The following NYAP2 variants were observed in gnomAD, a reference collection of about 807,000 sequenced individuals.
NYAP2 encodes neuronal tyrosine-phosphorylated phosphoinositide-3-kinase adaptor 2.
A neutral mutation model predicts 50.4 loss-of-function variants in NYAP2; 23 were observed. That is an observed-to-expected ratio of 0.46 (90% CI 0.33 to 0.65). The LOEUF is 0.65. Among genes scored for constraint, NYAP2 ranks in the 30% least tolerant of loss-of-function variants. The pLI, the probability that NYAP2 is intolerant of heterozygous loss-of-function variation, is 0.02. For synonymous variants in NYAP2, 394 were observed against 365.2 expected, an observed-to-expected ratio of 1.08 and a Z score of -0.90; for missense variants, 885 against 861.0, an observed-to-expected ratio of 1.03 and a Z score of -0.35.
rs564426970 is a variant in NYAP2, at chr2:225,647,873, A to G, written c.1829-3559A>G. Among the ~76,000 whole-genome samples the G allele has an allele frequency of 1.2e-4, 18 of 152,238 alleles. No individual in the cohort carries two copies. In the South Asian group the frequency reaches 3.7e-3, roughly 32 times the overall value. Reference sequence around the variant, plus strand: ...AAAATGGTGAGATATGGTTTGATTAAAGTCCATGCTTGGCAACAACTTGAG... The same window carrying G: ...AAAATGGTGAGATATGGTTTGATTAGAGTCCATGCTTGGCAACAACTTGAG... On this transcript the variant is annotated intron_variant, in intron 6 of 6. Transcript: ENST00000636099.
At chr2:225,693,830 G>C in the NYAP2 span, among the ~76,000 whole-genome samples, 3 of 151,958 alleles carry the variant, frequency 2.0e-5, no homozygotes, top group East Asian at 5.8e-4. Context: ...CATAACACCA[G>C]GTTCCTCCAA....
At chr2:225,677,211 T>G in the NYAP2 span, among the ~76,000 whole-genome samples, 1 of 151,910 alleles carries the variant, frequency 6.6e-6, no homozygotes, top group African/African-American at 2.4e-5. Flanking sequence ...GGTTCTAAGC[T>G]AGAATATTAT....
chr2:225,480,045 A>G (rs1214867087), intron 3 of NYAP2, among the ~76,000 whole-genome samples: 1 of 152,136 alleles, frequency 6.6e-6, no homozygotes, highest in Non-Finnish European at 1.5e-5. Flanking sequence ...TAAGTCAATC[A>G]AAGTATGTAT....
intron 4 of NYAP2, among the ~76,000 whole-genome samples, chr2:225,515,936 A>T (rs189735002): frequency 4.1e-4 from 62 of 152,342 alleles, no homozygotes; most frequent in Non-Finnish European, 7.6e-4. Flanking sequence ...GATGAGAAGG[A>T]CAAAGAAAGT....
At chr2:225,534,982 C>T (rs1436519940) in intron 4 of NYAP2, among the ~76,000 whole-genome samples, 1 of 152,154 alleles carries the variant, frequency 6.6e-6, no homozygotes, top group Non-Finnish European at 1.5e-5. Context: ...TGCAACTTGT[C>T]AGAGAATTAC....
intron 3 of NYAP2, among the ~76,000 whole-genome samples, chr2:225,510,821 A>G (rs7576524): frequency 0.32 from 47,798 of 151,694 alleles, 7,674 homozygotes; most frequent in South Asian, 0.48. Context: ...GGCATATATG[A>G]ACCAAAGCAG....
intron 6 of NYAP2, among the ~76,000 whole-genome samples, chr2:225,637,103 T>A (rs1365842575): frequency 1.3e-5 from 2 of 152,188 alleles, no homozygotes; most frequent in African/African-American, 2.4e-5. Flanking sequence ...TATAGTAGTA[T>A]AATAACAGGT....
At chr2:225,679,493 GTTTT>G in the NYAP2 span, among the ~76,000 whole-genome samples, 228 of 103,862 alleles carry the variant, frequency 2.2e-3, 1 homozygote, top group African/African-American at 8.1e-3. Flanking sequence ...GCTTCTAATT[GTTTT>G]TTTTTTTTTT....
chr2:225,402,004 G>A (rs1198295408), intron 2 of NYAP2, among the ~76,000 whole-genome samples: 2 of 152,030 alleles, frequency 1.3e-5, no homozygotes, highest in African/African-American at 4.8e-5. Context: ...TTTAGACAAT[G>A]TTCTCATTTA....
At chr2:225,434,250 T>C (rs561858081) in intron 3 of NYAP2, among the ~76,000 whole-genome samples, 4 of 152,278 alleles carry the variant, frequency 2.6e-5, no homozygotes, top group Admixed American at 2.6e-4. Flanking sequence ...TGCCCTCCAG[T>C]ACAGCAGCAT....
chr2:225,544,334 A>G (rs1691530761), intron 4 of NYAP2, among the ~76,000 whole-genome samples: 1 of 149,202 alleles, frequency 6.7e-6, no homozygotes, highest in Non-Finnish European at 1.5e-5. Flanking sequence ...TTTGTTATTC[A>G]TTTTCTGGTC....
Position 225,581,138 on chromosome 2 carries a change from G to A in NYAP2, c.524-803G>A, listed in dbSNP as rs79408661. Among the ~76,000 whole-genome samples the A allele has an allele frequency of 2.5e-4, 38 of 152,254 alleles. No individual in the cohort carries two copies. The East Asian group carries it at 7.0e-3, about 28-fold the overall frequency. ...ATACGTTGGTACACATATCTGTTGTGAGTTTCCAGAAGTTATTCTTGAAAC... is the reference window on the plus strand; with the variant it reads ...ATACGTTGGTACACATATCTGTTGTAAGTTTCCAGAAGTTATTCTTGAAAC... On this transcript the variant is annotated intron_variant, in intron 4 of 6. Coordinates refer to ENST00000636099, the Ensembl canonical transcript of NYAP2.
At chr2:225,602,720 T>G (rs1447086670) in intron 5 of NYAP2, among the ~76,000 whole-genome samples, 1 of 152,198 alleles carries the variant, frequency 6.6e-6, no homozygotes, top group Non-Finnish European at 1.5e-5. Flanking sequence ...GTTGAAAAGA[T>G]CATCCCAGTG....
At chr2:225,492,991 C>CT (rs113469511) in intron 3 of NYAP2, among the ~76,000 whole-genome samples, 3,313 of 144,248 alleles carry the variant, frequency 0.023, 88 homozygotes, top group African/African-American at 0.075. Flanking sequence ...TTTATAGCAA[C>CT]TTTTTTTTTT....
intron 5 of NYAP2, among the ~76,000 whole-genome samples, chr2:225,586,806 C>T (rs902475137): frequency 2.0e-5 from 3 of 151,950 alleles, no homozygotes; most frequent in South Asian, 2.1e-4. Flanking sequence ...TTATTTATTC[C>T]CTCAAACAAG....
At chr2:225,577,897 G>GA (rs541232643) in intron 4 of NYAP2, among the ~76,000 whole-genome samples, 25 of 151,374 alleles carry the variant, frequency 1.7e-4, no homozygotes, top group Non-Finnish European at 3.2e-4. Context: ...ATTTACTGAA[G>GA]AGTCTATTCT....
chr2:225,548,359 A>G (rs1457884301), intron 4 of NYAP2, among the ~76,000 whole-genome samples: 5 of 149,796 alleles, frequency 3.3e-5, no homozygotes, highest in Non-Finnish European at 7.4e-5. Context: ...CTGATTCTTA[A>G]TCTTCTAGAA....
At chr2:225,652,945 A>G (rs1693761119) in exon 7 of NYAP2, 1 of 152,166 alleles carries the variant, frequency 6.6e-6, no homozygotes. Context: ...TATCTCAAGT[A>G]CCATTTAGAA....
intron 3 of NYAP2, among the ~76,000 whole-genome samples, chr2:225,446,430 A>C (rs1400074813): frequency 6.6e-6 from 1 of 151,936 alleles, no homozygotes; most frequent in African/African-American, 2.4e-5. Context: ...AAAAAGATGC[A>C]AAAAACAAAA....
Sources: gnomAD v4.1 joint callset for allele counts (sites outside exome capture counted in the v4.1 genomes callset) on GRCh38, gnomAD v4.1.1 for gene constraint, MANE v1.5 for transcripts, NCBI Gene and HGNC (gene_info 2026-07-23, HGNC 2026-07-21) for gene names.